Variants in PDZD9 observed in about 807,000 individuals in gnomAD.
PDZD9 encodes the protein PDZ domain containing 9.
Under a neutral mutation model 16.3 loss-of-function variants are expected in PDZD9, and 13 were observed. The ratio of observed to expected loss-of-function variants is 0.80; its 90% CI spans 0.52 to 1.27. PDZD9 has a LOEUF of 1.27. Ranked by LOEUF, PDZD9 falls within the 50% of genes most tolerant of loss-of-function variation. The pLI, the probability that PDZD9 is intolerant of heterozygous loss-of-function variation, is 0.00. For missense variants in PDZD9, 288 were observed against 310.9 expected (o/e 0.93, Z 0.55); for synonymous variants, 120 against 111.0 (o/e 1.08, Z -0.51).
At chr16:21,976,544 A>G in the PDZD9 span, 1 of 255,626 alleles carries the variant, frequency 3.9e-6, no homozygotes, top group South Asian at 6.5e-5. Context: ...TTAGAGAATA[A>G]TTGTTAACAT....
chr16:21,958,697 A>G, the PDZD9 span: 2 of 1,025,480 alleles, frequency 2.0e-6, no homozygotes, highest in Non-Finnish European at 2.9e-6. Context: ...GGATTTCTTA[A>G]GCAACATAAG....
chr16:21,961,944 C>T, the PDZD9 span, among the ~76,000 whole-genome samples: 3 of 151,838 alleles, frequency 2.0e-5, no homozygotes, highest in African/African-American at 7.3e-5. Context: ...TGAGCCACTG[C>T]GCCCGGCCCA....
At chr16:21,968,753 G>T in the PDZD9 span, 139 of 1,427,372 alleles carry the variant, frequency 9.7e-5, 1 homozygote, top group African/African-American at 1.9e-3. Context: ...CTGTAATTAC[G>T]TGAACATAGG....
the PDZD9 span, chr16:21,961,552 G>A: frequency 6.8e-6 from 1 of 148,140 alleles, no homozygotes; most frequent in Non-Finnish European, 1.5e-5. Context: ...AATTGGTCTT[G>A]GAAGGGTACG....
chr16:21,958,397 A>G, the PDZD9 span: 2 of 753,282 alleles, frequency 2.7e-6, no homozygotes, highest in African/African-American at 3.6e-5. Flanking sequence ...GCCTTGTTTT[A>G]TAATTCTTAA....
downstream of PDZD9, chr16:21,980,516 C>T: frequency 6.2e-7 from 1 of 1,605,022 alleles, no homozygotes. Flanking sequence ...GCCTTGCTCT[C>T]TAAAACTGAC....
chr16:21,957,844 C>G, the PDZD9 span, among the ~76,000 whole-genome samples: 1 of 152,218 alleles, frequency 6.6e-6, no homozygotes, highest in Non-Finnish European at 1.5e-5. Context: ...CTGTTCCTAG[C>G]TTCCAGCAGT....
At chr16:21,965,351 A>G in the PDZD9 span, 1 of 1,550,654 alleles carries the variant, frequency 6.4e-7, no homozygotes, top group South Asian at 1.1e-5. Context: ...TAGGTTTTAA[A>G]AATGTTGTCT....
At position 21,987,307 on chromosome 16, in the gene PDZD9, C is replaced by T. The variant is rs190115925; in HGVS notation, c.401+1295G>A. On this transcript the variant is annotated intron_variant, in intron 3 of 3. Transcript: ENST00000424898. ...TGTTGGCATGCGCCTGTAATCCCAG[C>T]TACCCTGGAGGCTGAGGCAGGAGAA... is the stretch of plus-strand genomic sequence containing the variant. Among the ~76,000 whole-genome samples the T allele has an allele frequency of 1.2e-3, 189 of 152,242 alleles. 1 individual carries two copies. Among genetic ancestry groups the T allele is most frequent in the Admixed American group, 0.011 (175 of 15,300 alleles).
At chr16:21,969,885 T>A in the PDZD9 span, among the ~76,000 whole-genome samples, 2 of 151,722 alleles carry the variant, frequency 1.3e-5, no homozygotes, top group East Asian at 3.9e-4. Flanking sequence ...TTTTTTTTTT[T>A]AAAGAGATGG....
At chr16:21,973,830 CTT>C in the PDZD9 span, 8 of 1,487,064 alleles carry the variant, frequency 5.4e-6, no homozygotes, top group Non-Finnish European at 6.5e-6. Context: ...TCTAGGCAAA[CTT>C]AAAGAAATCG....
At chr16:21,959,390 G>A in the PDZD9 span, 1 of 269,396 alleles carries the variant, frequency 3.7e-6, no homozygotes, top group South Asian at 3.8e-5. Flanking sequence ...AAACCACTTT[G>A]TTTGCTCATC....
chr16:21,968,928 G>A, the PDZD9 span, among the ~76,000 whole-genome samples: 1 of 152,122 alleles, frequency 6.6e-6, no homozygotes, highest in Non-Finnish European at 1.5e-5. Flanking sequence ...CTGTGACAAA[G>A]GTGAATTTCT....
chr16:21,965,493 G>T, the PDZD9 span: 1 of 1,596,096 alleles, frequency 6.3e-7, no homozygotes, highest in Non-Finnish European at 8.5e-7. Flanking sequence ...TTGGAAAAGT[G>T]ACATCAGAGG....
chr16:21,996,121 T>C (rs1423440729), intron 2 of PDZD9, among the ~76,000 whole-genome samples: 1 of 151,788 alleles, frequency 6.6e-6, no homozygotes, highest in Non-Finnish European at 1.5e-5. Context: ...GACAAAGTTT[T>C]ACCATGTTGG....
the PDZD9 span, among the ~76,000 whole-genome samples, chr16:21,969,699 TA>T: frequency 6.6e-5 from 10 of 152,170 alleles, no homozygotes; most frequent in Non-Finnish European, 1.5e-4. Flanking sequence ...TTACATGCTA[TA>T]AAATTCACCC....
downstream of PDZD9, chr16:21,983,280 GTAAAATAAGGCA>G (rs1898782559): frequency 1.1e-6 from 1 of 906,480 alleles, no homozygotes; most frequent in Non-Finnish European, 1.7e-6. Flanking sequence ...TTCCAGTGAG[GTAAAATAAGGCA>G]TAAATGCAGG....
chr16:21,965,906 A>G, the PDZD9 span, among the ~76,000 whole-genome samples: 1 of 151,610 alleles, frequency 6.6e-6, no homozygotes, highest in African/African-American at 2.4e-5. Flanking sequence ...CTGGTCTTGA[A>G]CTCTTAAGCT....
At chr16:21,962,570 T>C in the PDZD9 span, 1 of 1,609,400 alleles carries the variant, frequency 6.2e-7, no homozygotes, top group Non-Finnish European at 8.5e-7. Context: ...ACTAAGCTGC[T>C]CACTTCTGGT....
Sources: gnomAD v4.1 joint callset for allele counts (sites outside exome capture counted in the v4.1 genomes callset) on GRCh38, gnomAD v4.1.1 for gene constraint, MANE v1.5 for transcripts, NCBI Gene and HGNC (gene_info 2026-07-23, HGNC 2026-07-21) for gene names.